CDK14: variants seen among roughly 807,000 people sequenced by gnomAD.
The protein encoded by CDK14 is cyclin dependent kinase 14, also known as cyclin-dependent kinase 14.
A neutral mutation model predicts 60.7 loss-of-function variants in CDK14; 34 were observed. That is an observed-to-expected ratio of 0.56 (90% confidence interval 0.43 to 0.75). The LOEUF is 0.75. Among genes scored for constraint, CDK14 ranks in the 30% least tolerant of loss-of-function variants. The pLI, the probability that CDK14 is intolerant of heterozygous loss-of-function variation, is 0.00. For missense variants in CDK14, 482 were observed against 564.1 expected, an observed-to-expected ratio of 0.85 and a Z score of 1.47; for synonymous variants, 197 against 203.7, an observed-to-expected ratio of 0.97 and a Z score of 0.28.
intron 13 of CDK14, among the ~76,000 whole-genome samples, chr7:91,115,344 G>A (rs759259486): frequency 1.1e-4 from 16 of 152,242 alleles, no homozygotes; most frequent in South Asian, 8.3e-4. Flanking sequence ...TTTGTGAAGG[G>A]CACCTTGCTG....
chr7:90,663,331 CTGT>C (rs567310615), intron 2 of CDK14, among the ~76,000 whole-genome samples: 157 of 152,276 alleles, frequency 1.0e-3, no homozygotes, highest in Non-Finnish European at 1.8e-3. Context: ...TTGGATCACC[CTGT>C]CTTTCATACG....
intron 8 of CDK14, among the ~76,000 whole-genome samples, chr7:90,920,961 G>A (rs1035955666): frequency 2.0e-5 from 3 of 151,830 alleles, no homozygotes; most frequent in Non-Finnish European, 4.4e-5. Context: ...GGTAAGCAAA[G>A]TCGTATTTAA....
chr7:90,664,330 C>T (rs1007562868), intron 2 of CDK14, among the ~76,000 whole-genome samples: 6 of 152,256 alleles, frequency 3.9e-5, no homozygotes, highest in African/African-American at 1.2e-4. Flanking sequence ...AACACTTTTA[C>T]ACTGTTGGTG....
chr7:91,057,981 A>G (rs985879905), intron 11 of CDK14, among the ~76,000 whole-genome samples: 5 of 151,962 alleles, frequency 3.3e-5, no homozygotes, highest in African/African-American at 7.3e-5. Flanking sequence ...CATTGAATCT[A>G]TAAATTACCT....
At chr7:90,884,727 C>G (rs938717593) in intron 6 of CDK14, among the ~76,000 whole-genome samples, 1 of 152,054 alleles carries the variant, frequency 6.6e-6, no homozygotes, top group Non-Finnish European at 1.5e-5. Flanking sequence ...GTACAGGTAC[C>G]AAAACAGACA....
At chr7:90,965,927 C>G (rs1794739449) in intron 9 of CDK14, among the ~76,000 whole-genome samples, 1 of 152,140 alleles carries the variant, frequency 6.6e-6, no homozygotes, top group South Asian at 2.1e-4. Flanking sequence ...CATACTTCCT[C>G]CCTGGAGGGA....
At chr7:90,855,820 T>C (rs1043047673) in intron 5 of CDK14, among the ~76,000 whole-genome samples, 1 of 152,180 alleles carries the variant, frequency 6.6e-6, no homozygotes, top group Non-Finnish European at 1.5e-5. Context: ...TAGTAACCAG[T>C]TGATGTGGGC....
At chr7:90,954,438 A>G (rs1235380411) in intron 8 of CDK14, among the ~76,000 whole-genome samples, 1 of 152,094 alleles carries the variant, frequency 6.6e-6, no homozygotes, top group African/African-American at 2.4e-5. Flanking sequence ...AAGCTGTCAC[A>G]CAGGTTTTTT....
intron 10 of CDK14, among the ~76,000 whole-genome samples, chr7:91,008,142 A>AAAAC (rs1257873852): frequency 3.5e-5 from 5 of 141,406 alleles, no homozygotes; most frequent in Non-Finnish European, 6.2e-5. Context: ...AAAAAAAAAA[A>AAAAC]AAACAAACAA....
chr7:90,598,133 G>C (rs1449738075), intron 1 of CDK14, among the ~76,000 whole-genome samples: 1 of 152,170 alleles, frequency 6.6e-6, no homozygotes, highest in Non-Finnish European at 1.5e-5. Flanking sequence ...CCATTAAGCC[G>C]TGTTCTAAAA....
At chr7:90,762,169 A>G (rs541016310) in intron 4 of CDK14, among the ~76,000 whole-genome samples, 8 of 152,344 alleles carry the variant, frequency 5.3e-5, no homozygotes, top group African/African-American at 1.9e-4. Flanking sequence ...AGATGTCACC[A>G]GGCAGGTAAA....
chr7:91,123,709 C>T (rs571957510), intron 14 of CDK14, among the ~76,000 whole-genome samples: 1 of 152,128 alleles, frequency 6.6e-6, no homozygotes, highest in South Asian at 2.1e-4. Context: ...CTCCTTGTCC[C>T]TTCTCTGCCT....
At chr7:90,710,414 A>T (rs1420514586) in intron 2 of CDK14, 17 of 985,152 alleles carry the variant, frequency 1.7e-5, no homozygotes, top group Non-Finnish European at 2.0e-5. Context: ...GAGTAAACTG[A>T]TGTCCATGAA....
chr7:90,961,840 A>G (rs1340496090), intron 9 of CDK14, among the ~76,000 whole-genome samples: 4 of 152,246 alleles, frequency 2.6e-5, no homozygotes, highest in Non-Finnish European at 4.4e-5. Context: ...TTTTATTATT[A>G]TACCAGGACA....
chr7:90,852,980 G>A (rs995018005), intron 5 of CDK14, among the ~76,000 whole-genome samples: 11 of 152,184 alleles, frequency 7.2e-5, no homozygotes, highest in African/African-American at 2.7e-4. Context: ...AAATGAAGTA[G>A]TGGTATGTTT....
chr7:90,694,775 C>A (rs1186716111), intron 2 of CDK14, among the ~76,000 whole-genome samples: 5 of 152,086 alleles, frequency 3.3e-5, no homozygotes, highest in Admixed American at 2.6e-4. Context: ...TGAAAATATT[C>A]AAATGAGAAC....
chr7:90,885,255 C>T (rs560333233), intron 6 of CDK14, among the ~76,000 whole-genome samples: 10 of 152,184 alleles, frequency 6.6e-5, no homozygotes, highest in African/African-American at 2.4e-4. Context: ...AGACAACCCT[C>T]CCGAAAAAAG....
chr7:90,609,928 G>A (rs1799503406), intron 2 of CDK14, among the ~76,000 whole-genome samples: 1 of 152,176 alleles, frequency 6.6e-6, no homozygotes, highest in East Asian at 1.9e-4. Context: ...TAGCATCCCT[G>A]ACTTTCTCGT....
chr7:90,940,597 A>T (rs1793894941), intron 8 of CDK14, among the ~76,000 whole-genome samples: 2 of 152,034 alleles, frequency 1.3e-5, no homozygotes, highest in South Asian at 4.2e-4. Flanking sequence ...ACTAGCCTGG[A>T]CAACATGGCA....
Sources: allele counts gnomAD v4.1 joint callset (sites outside exome capture counted in the v4.1 genomes callset), GRCh38; gene constraint gnomAD v4.1.1; transcripts MANE v1.5; gene names NCBI Gene and HGNC (gene_info 2026-07-23, HGNC 2026-07-21).